Variants in ANKFY1 observed in about 807,000 individuals in gnomAD.
ANKFY1 encodes the protein ankyrin repeat and FYVE domain-containing protein 1.
A neutral mutation model predicts 128.3 loss-of-function variants in ANKFY1; 47 were observed. The ratio of observed to expected loss-of-function variants is 0.37; its 90% CI spans 0.29 to 0.47. The LOEUF (loss-of-function observed/expected upper bound fraction) is 0.47. Among genes scored for constraint, ANKFY1 ranks in the 20% least tolerant of loss-of-function variants. The pLI, the probability that ANKFY1 is intolerant of heterozygous loss-of-function variation, is 1.00. For missense variants in ANKFY1, 1,222 were observed against 1,510.6 expected, an observed-to-expected ratio of 0.81 and a Z score of 3.17; for synonymous variants, 553 against 601.6, an observed-to-expected ratio of 0.92 and a Z score of 1.18.
At chr17:4,170,436 A>C (rs1033688442) in intron 23 of ANKFY1, among the ~76,000 whole-genome samples, 8 of 152,202 alleles carry the variant, frequency 5.3e-5, no homozygotes, top group Admixed American at 4.6e-4. Context: ...CAGGACACAC[A>C]GGAAGGGTGG....
At chr17:4,246,572 A>G (rs1289950460) in intron 1 of ANKFY1, among the ~76,000 whole-genome samples, 1 of 152,162 alleles carries the variant, frequency 6.6e-6, no homozygotes, top group Non-Finnish European at 1.5e-5. Context: ...CCACTTGCCA[A>G]GAGACAGCCC....
rs981093858 is a variant in ANKFY1, at chr17:4,178,631, G to C, written c.2598+226C>G. Reference sequence around the variant, plus strand: ...TCCTACGATGGAGCCCACTGCCTCCGCTTCCATCGAAGCCGGGCACTGTCA... The same window carrying C: ...TCCTACGATGGAGCCCACTGCCTCCCCTTCCATCGAAGCCGGGCACTGTCA... On this transcript the variant is annotated intron_variant, in intron 18 of 24. Transcript: ENST00000341657. The surrounding 1 kb of genome is among the most constrained non-coding windows in gnomAD (Gnocchi z 4.1). 1.4e-5 allele frequency: 8 copies of C among 574,406 alleles called. No individual in the cohort carries two copies. The Admixed American group carries it at 2.4e-4, about 17-fold the overall frequency. 35.6% of individuals were successfully genotyped at this position (574,406 alleles called of 1,614,324 possible).
intron 11 of ANKFY1, 130 bp downstream of exon 11, chr17:4,189,252 A>G (rs912439324): frequency 1.5e-6 from 1 of 677,494 alleles, no homozygotes; most frequent in Non-Finnish European, 2.5e-6. Flanking sequence ...CTGGCTTTTT[A>G]ACCATATGCA....
rs763265115 is a variant in ANKFY1, at chr17:4,169,311, G to A, written c.3287-23C>T. 28 of 1,530,530 alleles carry A rather than the reference G, an allele frequency of 1.8e-5. No individual in the cohort carries two copies. In the Middle Eastern group the frequency reaches 6.6e-4, roughly 36 times the overall value. 94.8% of individuals were successfully genotyped at this position (1,530,530 alleles called of 1,614,324 possible). Reference sequence around the variant, plus strand: ...TATCTGCAACACAGGGGGGAGGCCCGGTCCCGTCAAACCGCGACGGCGCCA... The same window carrying A: ...TATCTGCAACACAGGGGGGAGGCCCAGTCCCGTCAAACCGCGACGGCGCCA... On this transcript the variant is annotated intron_variant, in intron 23 of 24. Transcript: ENST00000341657. The surrounding 1 kb of genome is among the most constrained non-coding windows in gnomAD (Gnocchi z 5.0).
At chr17:4,259,818 G>A (rs1160357988) in intron 1 of ANKFY1, among the ~76,000 whole-genome samples, 1 of 152,182 alleles carries the variant, frequency 6.6e-6, no homozygotes, top group Non-Finnish European at 1.5e-5. Context: ...ATACAGGAGT[G>A]AGCAAAACAG....
intron 1 of ANKFY1, among the ~76,000 whole-genome samples, chr17:4,245,756 A>G (rs995144828): frequency 2.8e-5 from 4 of 145,364 alleles, no homozygotes; most frequent in African/African-American, 1.0e-4. Flanking sequence ...AAAAAAAAAA[A>G]AAAAACAACC....
At chr17:4,206,768 G>A (rs576330159) in intron 6 of ANKFY1, among the ~76,000 whole-genome samples, 1 of 152,308 alleles carries the variant, frequency 6.6e-6, no homozygotes, top group Non-Finnish European at 1.5e-5. Context: ...AGAGTGCTGT[G>A]GGGCACGAGT....
intron 11 of ANKFY1, chr17:4,187,896 G>A (rs1458751817): frequency 6.6e-6 from 1 of 152,238 alleles, no homozygotes; most frequent in East Asian, 1.9e-4. Flanking sequence ...TCCAACTCCT[G>A]ACCTCAGGCG....
At chr17:4,220,190 G>C (rs1374573590) in intron 3 of ANKFY1, among the ~76,000 whole-genome samples, 1 of 152,202 alleles carries the variant, frequency 6.6e-6, no homozygotes, top group Non-Finnish European at 1.5e-5. Context: ...AAACTAATTA[G>C]ATTTATTTAA....
At chr17:4,238,085 G>T (rs1230091742) in intron 2 of ANKFY1, among the ~76,000 whole-genome samples, 2 of 149,480 alleles carry the variant, frequency 1.3e-5, no homozygotes, top group Non-Finnish European at 3.0e-5. Flanking sequence ...CCAGCACTTT[G>T]GGAGGCCAGG....
At position 4,169,102 on chromosome 17, in the gene ANKFY1, G is replaced by A; in HGVS notation, c.3377+96C>T. 1 of 1,163,140 alleles carries A rather than the reference G, an allele frequency of 8.6e-7. No individual in the cohort carries two copies. Among genetic ancestry groups the A allele is most frequent in the Non-Finnish European group, 1.2e-6 (1 of 803,388 alleles). 72.1% of individuals were successfully genotyped at this position (1,163,140 alleles called of 1,614,324 possible). ...TCAAGGTTTGCCCATCAATGTGCAG[G>A]ACCCAGGCAAGTTCACGGCCTGTCC... is the stretch of plus-strand genomic sequence containing the variant. On this transcript the variant is annotated intron_variant, in intron 24 of 24. Transcript: ENST00000341657. This position sits in a 1 kb window ranked among gnomAD's most constrained non-coding sequence, Gnocchi z 5.0.
chr17:4,182,428 G>T, intron 14 of ANKFY1, 79 bp from the exon 15 acceptor site: 1 of 1,150,030 alleles, frequency 8.7e-7, no homozygotes, highest in South Asian at 2.4e-5. Flanking sequence ...GCATTCCAGA[G>T]TCCAGAATCT....
intron 6 of ANKFY1, among the ~76,000 whole-genome samples, chr17:4,206,972 A>G (rs1185340104): frequency 6.6e-6 from 1 of 151,200 alleles, no homozygotes; most frequent in Non-Finnish European, 1.5e-5. Context: ...CAGAATTATC[A>G]CCCCCCCCAA....
In ANKFY1 at chr17:4,262,643, A is replaced by C. The variant is rs113106186; in HGVS notation, c.10+1289T>G. On this transcript the variant is annotated intron_variant, in intron 1 of 24. Coordinates refer to ENST00000341657, the MANE Select transcript of ANKFY1 (RefSeq NM_001330063.2). ...GCGCCCCTGGTCCCAGCTACTCAGG[A>C]GGCTGAGGCAGAAGGATCGCTTGAG... Among the ~76,000 whole-genome samples, 124 of 151,982 alleles carry C rather than the reference A, an allele frequency of 8.2e-4. 1 individual carries two copies. Among genetic ancestry groups the C allele is most frequent in the African/African-American group, 2.8e-3 (117 of 41,468 alleles).
intron 20 of ANKFY1, among the ~76,000 whole-genome samples, chr17:4,173,676 T>A (rs1481976692): frequency 6.6e-6 from 1 of 152,204 alleles, no homozygotes; most frequent in African/African-American, 2.4e-5. Context: ...AAGGTGAGAT[T>A]TAACAGTTTC....
chr17:4,183,743 C>G, intron 13 of ANKFY1, 69 bp downstream of exon 13: 1 of 1,511,316 alleles, frequency 6.6e-7, no homozygotes, highest in Admixed American at 1.7e-5. Flanking sequence ...CTCGCTCCCT[C>G]TGTCCCACCC....
chr17:4,222,191 T>TGCTGCCCGCGCCTGGCGCC (rs2060331469), intron 3 of ANKFY1: 1 of 165,348 alleles, frequency 6.0e-6, no homozygotes, highest in Non-Finnish European at 1.2e-5. Flanking sequence ...CTGCTACCCC[T>TGCTGCCCGCGCCTGGCGCC]GCTGCCCGCG....
At chr17:4,260,481 T>C (rs1393252087) in intron 1 of ANKFY1, among the ~76,000 whole-genome samples, 1 of 151,620 alleles carries the variant, frequency 6.6e-6, no homozygotes, top group Non-Finnish European at 1.5e-5. Context: ...GCCAATGTGG[T>C]GGCATGCACA....
intron 16 of ANKFY1, 72 bp from the exon 17 acceptor site, chr17:4,179,949 T>A (rs2059479873): frequency 6.4e-7 from 1 of 1,571,764 alleles, no homozygotes; most frequent in Non-Finnish European, 8.6e-7. Context: ...ATTACAAATG[T>A]AAAGCAGGAG....
Sources: allele counts gnomAD v4.1 joint callset (sites outside exome capture counted in the v4.1 genomes callset), GRCh38; gene constraint gnomAD v4.1.1; non-coding constraint Gnocchi (gnomAD v3.1); transcripts MANE v1.5; gene names NCBI Gene and HGNC (gene_info 2026-07-23, HGNC 2026-07-21).